The following FBP1 variants were observed in gnomAD, a reference collection of about 807,000 sequenced individuals.
FBP1 encodes fructose-bisphosphatase 1, also known as fructose-1,6-bisphosphatase 1.
Under a neutral mutation model 29.9 loss-of-function variants are expected in FBP1, and 22 were observed. The observed-to-expected ratio is 0.74, with a 90% CI of 0.53 to 1.05. The LOEUF (loss-of-function observed/expected upper bound fraction) is 1.05. Among genes scored for constraint, FBP1 ranks in the 50% least tolerant of loss-of-function variants. FBP1 has a pLI of 0.00. For missense variants in FBP1, 345 were observed against 448.2 expected, an observed-to-expected ratio of 0.77 and a Z score of 2.08; for synonymous variants, 175 against 178.6, an observed-to-expected ratio of 0.98 and a Z score of 0.16.
At chr9:94,617,693 C>T (rs1195314253) in intron 3 of FBP1, 75 bp downstream of exon 3, 7 of 951,068 alleles carry the variant, frequency 7.4e-6, no homozygotes, top group Non-Finnish European at 1.2e-5. Context: ...GGCTGCTCTG[C>T]CACAGTGAAA....
chr9:94,639,043 C>G, intron 1 of FBP1, 98 bp downstream of exon 1: 4 of 1,200,980 alleles, frequency 3.3e-6, no homozygotes, highest in Non-Finnish European at 4.8e-6. Flanking sequence ...CAGACAGAGG[C>G]TGACGGCAGG....
At chr9:94,626,953 C>G (rs529835175) in intron 1 of FBP1, among the ~76,000 whole-genome samples, 39 of 152,226 alleles carry the variant, frequency 2.6e-4, no homozygotes, top group African/African-American at 8.2e-4. Flanking sequence ...CTTTGGGAGG[C>G]TGAGGCAGGT....
intron 1 of FBP1, among the ~76,000 whole-genome samples, chr9:94,627,188 C>T (rs1021346455): frequency 8.9e-6 from 1 of 112,760 alleles, no homozygotes; most frequent in African/African-American, 3.3e-5. Context: ...AACTCCATCT[C>T]AAAAAAAAAA....
At chr9:94,630,078 T>C (rs1431995357) in intron 1 of FBP1, among the ~76,000 whole-genome samples, 2 of 152,202 alleles carry the variant, frequency 1.3e-5, no homozygotes, top group Admixed American at 1.3e-4. Flanking sequence ...TACATAAACA[T>C]GGCACATCTG....
chr9:94,605,954 G>C (rs894962916), intron 5 of FBP1, among the ~76,000 whole-genome samples: 6 of 152,160 alleles, frequency 3.9e-5, no homozygotes, highest in Non-Finnish European at 7.3e-5. Context: ...ATTTACAGGA[G>C]AGGAAACTGC....
intron 4 of FBP1, among the ~76,000 whole-genome samples, chr9:94,608,389 A>G (rs1373262333): frequency 1.3e-5 from 2 of 152,152 alleles, no homozygotes; most frequent in Non-Finnish European, 2.9e-5. Context: ...TATCAAACAC[A>G]CAGAAGCTTC....
intron 1 of FBP1, among the ~76,000 whole-genome samples, chr9:94,623,844 G>A (rs1827982961): frequency 6.6e-6 from 1 of 152,140 alleles, no homozygotes; most frequent in Non-Finnish European, 1.5e-5. Flanking sequence ...ATTCTACTGG[G>A]GTGAGCACAA....
intron 3 of FBP1, among the ~76,000 whole-genome samples, chr9:94,616,777 T>C (rs1307133979): frequency 6.6e-6 from 1 of 152,168 alleles, no homozygotes; most frequent in African/African-American, 2.4e-5. Context: ...GAGCTAAAGC[T>C]AAGAGGATGT....
chr9:94,616,179 C>T (rs535989098), intron 3 of FBP1, among the ~76,000 whole-genome samples: 1 of 152,180 alleles, frequency 6.6e-6, no homozygotes, highest in East Asian at 1.9e-4. Flanking sequence ...CAGAGTTCAG[C>T]TGAACCAACC....
At chr9:94,620,270 T>C in intron 2 of FBP1, 59 bp downstream of exon 2, 1 of 1,575,666 alleles carries the variant, frequency 6.3e-7, no homozygotes, top group East Asian at 2.2e-5. Flanking sequence ...GAGTCAATTA[T>C]GAAGCTGGGA....
intron 3 of FBP1, among the ~76,000 whole-genome samples, chr9:94,612,195 A>C (rs1264407037): frequency 1.3e-5 from 2 of 152,324 alleles, no homozygotes; most frequent in South Asian, 4.1e-4. Context: ...TCAGAGGCTC[A>C]TTTTAACAAT....
At chr9:94,629,106 C>G (rs918575533) in intron 1 of FBP1, among the ~76,000 whole-genome samples, 3 of 152,092 alleles carry the variant, frequency 2.0e-5, no homozygotes, top group African/African-American at 7.2e-5. Context: ...CTCAGCCTCC[C>G]GAGTAGCTGG....
At chr9:94,618,644 A>G (rs145293766) in intron 2 of FBP1, among the ~76,000 whole-genome samples, 2 of 152,118 alleles carry the variant, frequency 1.3e-5, no homozygotes, top group African/African-American at 4.8e-5. Flanking sequence ...GTCTCTAAAA[A>G]CAAAACTAAA....
upstream of FBP1, chr9:94,639,641 C>A (rs1287013754): frequency 2.0e-5 from 9 of 454,130 alleles, no homozygotes; most frequent in East Asian, 2.8e-4. Flanking sequence ...CTTGGATCTT[C>A]AGACAAGGTC....
At position 94,612,697 on chromosome 9, in the gene FBP1, C is replaced by T. The variant is rs1827803889; in HGVS notation, c.427-2636G>A. 2.0e-5 allele frequency among the ~76,000 whole-genome samples: 3 copies of T among 151,844 alleles called. No individual in the cohort carries two copies. In the South Asian group the frequency reaches 6.3e-4, roughly 32 times the overall value. Reference sequence around the variant, plus strand: ...TCAGCCTCCCAAGTAGCTGGGATTACAGGCGCCCACCACCACGCCTGGCTA... The same window carrying T: ...TCAGCCTCCCAAGTAGCTGGGATTATAGGCGCCCACCACCACGCCTGGCTA... On this transcript the variant is annotated intron_variant, in intron 3 of 6. Coordinates refer to ENST00000375326, the MANE Select transcript of FBP1 (RefSeq NM_000507.4).
At chr9:94,604,855 C>T (rs1355447939) in intron 6 of FBP1, among the ~76,000 whole-genome samples, 1 of 152,154 alleles carries the variant, frequency 6.6e-6, no homozygotes, top group Non-Finnish European at 1.5e-5. Context: ...GTCACCCTGG[C>T]AGAAGGAAAG....
chr9:94,639,427 G>T lies in FBP1; in HGVS notation c.-117C>A. Reference sequence around the variant, plus strand: ...CGCAGGTGCGGAGCTGCAGGTGCGGGCGGCAGGTGCGGGCCGCGGGACCTG... The same window carrying T: ...CGCAGGTGCGGAGCTGCAGGTGCGGTCGGCAGGTGCGGGCCGCGGGACCTG... On this transcript the variant is annotated 5_prime_UTR_variant, in exon 1 of 7. Coordinates refer to ENST00000375326, the MANE Select transcript of FBP1 (RefSeq NM_000507.4). 8.3e-7 allele frequency: 1 copy of T among 1,198,258 alleles called. No individual in the cohort carries two copies. Among genetic ancestry groups the T allele is most frequent in the Non-Finnish European group, 1.2e-6 (1 of 833,464 alleles). 74.2% of individuals were successfully genotyped at this position (1,198,258 alleles called of 1,614,324 possible).
At chr9:94,632,666 C>G (rs1828121690) in intron 1 of FBP1, among the ~76,000 whole-genome samples, 1 of 152,170 alleles carries the variant, frequency 6.6e-6, no homozygotes, top group South Asian at 2.1e-4. Flanking sequence ...GAGCTAGACT[C>G]TGTCTGAAAA....
In FBP1 at chr9:94,603,686, C is replaced by T. The variant is rs1827649106; in HGVS notation, c.826-114G>A. ...GTGGGAGTTTCCAAGGGAACGAATACTGTATTTTTCCTTCCTGTGAGGCTG... is the reference window on the plus strand; with the variant it reads ...GTGGGAGTTTCCAAGGGAACGAATATTGTATTTTTCCTTCCTGTGAGGCTG... On this transcript the variant is annotated intron_variant, in intron 6 of 6. Coordinates refer to ENST00000375326, the MANE Select transcript of FBP1 (RefSeq NM_000507.4). 6.2e-6 allele frequency: 6 copies of T among 961,426 alleles called. No individual in the cohort carries two copies. In the Admixed American group the frequency reaches 9.6e-5, roughly 15 times the overall value. 59.6% of individuals were successfully genotyped at this position (961,426 alleles called of 1,614,324 possible). A position where few individuals can be genotyped will look rare whatever the true frequency, so the allele number is the denominator to read the frequency against.
Sources: allele counts gnomAD v4.1 joint callset (sites outside exome capture counted in the v4.1 genomes callset), GRCh38; gene constraint gnomAD v4.1.1; transcripts MANE v1.5; gene names NCBI Gene and HGNC (gene_info 2026-07-23, HGNC 2026-07-21).